SLC16A10: variants seen among roughly 807,000 people sequenced by gnomAD.
SLC16A10 encodes the protein monocarboxylate transporter 10.
SLC16A10 carries 27 observed loss-of-function variants against 40.0 expected under a neutral mutation model. That is an observed-to-expected ratio of 0.67 (90% CI 0.50 to 0.93). The LOEUF (loss-of-function observed/expected upper bound fraction) is 0.93. SLC16A10 is among the 40% of genes least tolerant of loss of function. SLC16A10 has a pLI of 0.00. For missense variants in SLC16A10, 529 were observed against 658.2 expected, an observed-to-expected ratio of 0.80 and a Z score of 2.15; for synonymous variants, 213 against 249.8, an observed-to-expected ratio of 0.85 and a Z score of 1.39.
intron 3 of SLC16A10, among the ~76,000 whole-genome samples, chr6:111,188,044 C>G (rs1772928714): frequency 6.6e-6 from 1 of 152,110 alleles, no homozygotes; most frequent in Non-Finnish European, 1.5e-5. Context: ...AAGTCTTGGT[C>G]CCCGTTACAT....
chr6:111,183,299 T>C (rs1433716920), intron 3 of SLC16A10, among the ~76,000 whole-genome samples: 2 of 152,196 alleles, frequency 1.3e-5, no homozygotes, highest in African/African-American at 4.8e-5. Flanking sequence ...CTCCTTTTCT[T>C]TTTTTGTAGC....
intron 3 of SLC16A10, 116 bp from the exon 4 acceptor site, chr6:111,206,476 G>C: frequency 9.6e-7 from 1 of 1,041,866 alleles, no homozygotes. Flanking sequence ...ATTGAAATTT[G>C]GAAAAAGTTG....
rs1295139872 is a variant in SLC16A10, at chr6:111,227,144, T to G, written c.*4909T>G. 1 of 152,140 alleles carries G rather than the reference T, an allele frequency of 6.6e-6. No individual in the cohort carries two copies. Among genetic ancestry groups the G allele is most frequent in the Non-Finnish European group, 1.5e-5 (1 of 68,052 alleles). 9.4% of individuals were successfully genotyped at this position (152,140 alleles called of 1,614,324 possible). On this transcript the variant is annotated 3_prime_UTR_variant, in exon 6 of 6. Transcript: ENST00000368851. ...TTGTCTACAAAAAGGAAAAAAAAAT[T>G]TGTTCTGCTCTACTATACATGCTGA... is the stretch of plus-strand genomic sequence containing the variant.
intron 1 of SLC16A10, among the ~76,000 whole-genome samples, chr6:111,138,364 CATG>C (rs372128257): frequency 6.6e-6 from 1 of 152,170 alleles, no homozygotes; most frequent in Non-Finnish European, 1.5e-5. Context: ...TCTTATTCAT[CATG>C]ATGATTTGCC....
At chr6:111,136,457 G>A (rs532200237) in intron 1 of SLC16A10, among the ~76,000 whole-genome samples, 2 of 152,326 alleles carry the variant, frequency 1.3e-5, no homozygotes, top group African/African-American at 4.8e-5. Context: ...CTCTCATGAT[G>A]TGAACCGCAT....
intron 1 of SLC16A10, among the ~76,000 whole-genome samples, chr6:111,151,339 A>G (rs1313205400): frequency 6.6e-6 from 1 of 152,180 alleles, no homozygotes; most frequent in Non-Finnish European, 1.5e-5. Context: ...TAAACTCTGC[A>G]TCTGTCTTCC....
chr6:111,143,567 A>C (rs1772022587), intron 1 of SLC16A10, among the ~76,000 whole-genome samples: 1 of 152,156 alleles, frequency 6.6e-6, no homozygotes, highest in Non-Finnish European at 1.5e-5. Context: ...GGAAACTTAA[A>C]TGCATATTTC....
At position 111,228,490 on chromosome 6, in the gene SLC16A10, A is replaced by G. The variant is rs1272060155; in HGVS notation, c.*6255A>G. 6.6e-6 allele frequency: 1 copy of G among 152,218 alleles called. No individual in the cohort carries two copies. The highest frequency in any genetic ancestry group is 1.5e-5 in the Non-Finnish European group (1 of 68,032). The allele number at this position is 152,218 out of a possible 1,614,324, so 9.4% of individuals were successfully genotyped here. A position where few individuals can be genotyped will look rare whatever the true frequency, so the allele number is the denominator to read the frequency against. On this transcript the variant is annotated 3_prime_UTR_variant, in exon 6 of 6. Transcript: ENST00000368851. ...GTCCCTAAACATGTATGCGATAGGAACTACCAATATAAAATAACACTTAGA... is the reference window on the plus strand; with the variant it reads ...GTCCCTAAACATGTATGCGATAGGAGCTACCAATATAAAATAACACTTAGA...
intron 3 of SLC16A10, among the ~76,000 whole-genome samples, chr6:111,185,904 T>G (rs1053453894): frequency 1.1e-4 from 10 of 90,166 alleles, no homozygotes; most frequent in Non-Finnish European, 1.8e-4. Flanking sequence ...CACCAGTGGG[T>G]TTTTTTTTTT....
chr6:111,202,047 GGA>G (rs1773175678), intron 3 of SLC16A10, among the ~76,000 whole-genome samples: 1 of 152,196 alleles, frequency 6.6e-6, no homozygotes, highest in Admixed American at 6.5e-5. Flanking sequence ...GAGGTGGAGA[GGA>G]GAGAGGCCAA....
chr6:111,177,262 G>A lies in SLC16A10; in HGVS notation c.539G>A (p.Cys180Tyr). 3 of 1,594,128 alleles carry A rather than the reference G, an allele frequency of 1.9e-6. No individual in the cohort carries two copies. The highest frequency in any genetic ancestry group is 2.6e-6 in the Non-Finnish European group (3 of 1,171,430). ...TATGGAATCATATTTGCCTGCGGCT[G>A]CTCCTTTGCATACCAGCCTTCATTG... ...LTYGIIFACG[C>Y]SFAYQPSLVI... The change falls in exon 3 of 6, where the codon TGC becomes TAC. Residue 180 changes from cysteine (C) to tyrosine (Y), a missense_variant. Coordinates refer to ENST00000368851, the MANE Select transcript of SLC16A10 (RefSeq NM_018593.5).
At chr6:111,093,072 AAAAG>A (rs150068864) in intron 1 of SLC16A10, among the ~76,000 whole-genome samples, 6,569 of 151,698 alleles carry the variant, frequency 0.043, 464 homozygotes, top group African/African-American at 0.15. Flanking sequence ...AAAAAAAGAA[AAAAG>A]AAAGAGCAAC....
chr6:111,105,048 A>AT (rs1031439901), intron 1 of SLC16A10, among the ~76,000 whole-genome samples: 5 of 151,844 alleles, frequency 3.3e-5, no homozygotes, highest in Non-Finnish European at 7.4e-5. Context: ...AGACTTAGTC[A>AT]TTTTTTTCCT....
chr6:111,170,458 C>G (rs1454766071), intron 1 of SLC16A10, among the ~76,000 whole-genome samples: 2 of 152,136 alleles, frequency 1.3e-5, no homozygotes, highest in African/African-American at 4.8e-5. Context: ...TAGATTCTTT[C>G]TTTTTTTGAG....
At chr6:111,148,698 C>G (rs970548493) in intron 1 of SLC16A10, among the ~76,000 whole-genome samples, 1 of 152,226 alleles carries the variant, frequency 6.6e-6, no homozygotes, top group Non-Finnish European at 1.5e-5. Context: ...TAACAGTGAA[C>G]AATGTATGCT....
chr6:111,216,484 A>C (rs1773422886), intron 4 of SLC16A10, among the ~76,000 whole-genome samples: 1 of 151,778 alleles, frequency 6.6e-6, no homozygotes, highest in Non-Finnish European at 1.5e-5. Flanking sequence ...GCTCACTGCA[A>C]GCTCCGCCTG....
intron 1 of SLC16A10, among the ~76,000 whole-genome samples, chr6:111,106,146 G>A (rs1771281246): frequency 6.6e-6 from 1 of 152,174 alleles, no homozygotes. Flanking sequence ...GAAAAGGAAA[G>A]TCCAATTAAA....
chr6:111,169,830 A>C (rs1361589543), intron 1 of SLC16A10, among the ~76,000 whole-genome samples: 3 of 152,138 alleles, frequency 2.0e-5, no homozygotes, highest in African/African-American at 7.2e-5. Context: ...ATAAATCTGT[A>C]ATTTTTAATA....
chr6:111,130,719 C>G (rs189674685), intron 1 of SLC16A10, among the ~76,000 whole-genome samples: 1 of 152,324 alleles, frequency 6.6e-6, no homozygotes, highest in Admixed American at 6.5e-5. Context: ...TATCCATGCT[C>G]CCACCTGCCC....
Sources: allele counts gnomAD v4.1 joint callset (sites outside exome capture counted in the v4.1 genomes callset), GRCh38; gene constraint gnomAD v4.1.1; transcripts MANE v1.5; gene names NCBI Gene and HGNC (gene_info 2026-07-23, HGNC 2026-07-21).